NCAM2: variants seen among roughly 807,000 people sequenced by gnomAD.
The protein encoded by NCAM2 is neural cell adhesion molecule 2.
Under a neutral mutation model 98.1 loss-of-function variants are expected in NCAM2, and 30 were observed. The observed-to-expected ratio is 0.31, with a 90% confidence interval of 0.23 to 0.41. The LOEUF (loss-of-function observed/expected upper bound fraction) is 0.41, where lower values mean the gene tolerates loss of function less well. Ranked by LOEUF, NCAM2 falls within the 10% of genes least tolerant of loss-of-function variation. The pLI is 1.00. For missense variants in NCAM2, 867 were observed against 1,005.8 expected, an observed-to-expected ratio of 0.86 and a Z score of 1.87; for synonymous variants, 368 against 342.4, an observed-to-expected ratio of 1.07 and a Z score of -0.83.
chr21:21,086,418 T>A (rs1056076083), intron 1 of NCAM2, among the ~76,000 whole-genome samples: 19 of 152,208 alleles, frequency 1.2e-4, no homozygotes, highest in Non-Finnish European at 2.2e-4. Context: ...ACGTTTACAT[T>A]TGTATTTACA....
intron 8 of NCAM2, among the ~76,000 whole-genome samples, chr21:21,351,904 G>T (rs750375582): frequency 1.3e-5 from 2 of 151,814 alleles, no homozygotes; most frequent in Non-Finnish European, 2.9e-5. Context: ...ACGCCATCAC[G>T]CCCGGCTAAT....
intron 2 of NCAM2, among the ~76,000 whole-genome samples, chr21:21,281,654 A>G (rs2072934334): frequency 6.6e-6 from 1 of 152,036 alleles, no homozygotes; most frequent in Non-Finnish European, 1.5e-5. Flanking sequence ...TACAAATACA[A>G]GTCTTCATAT....
chr21:21,374,109 A>G, intron 9 of NCAM2, 96 bp downstream of exon 9: 2 of 1,152,342 alleles, frequency 1.7e-6, no homozygotes, highest in Non-Finnish European at 2.4e-6. Context: ...TGTAGTTCAC[A>G]TTTCAGTACT....
chr21:21,527,349 G>A (rs1989383478), intron 16 of NCAM2, among the ~76,000 whole-genome samples: 1 of 152,082 alleles, frequency 6.6e-6, no homozygotes, highest in Non-Finnish European at 1.5e-5. Flanking sequence ...CTGACCTCAT[G>A]ATAAGCTGGA....
intron 1 of NCAM2, among the ~76,000 whole-genome samples, chr21:21,098,394 C>T (rs983445222): frequency 2.0e-5 from 3 of 151,678 alleles, no homozygotes; most frequent in Admixed American, 6.6e-5. Flanking sequence ...AGTTTTGTTA[C>T]GTGATGCAGT....
At chr21:21,389,567 ATC>A (rs2076337463) in intron 9 of NCAM2, among the ~76,000 whole-genome samples, 1 of 151,900 alleles carries the variant, frequency 6.6e-6, no homozygotes, top group Admixed American at 6.6e-5. Flanking sequence ...CCATTAACCA[ATC>A]TCTCTTCATT....
intron 16 of NCAM2, among the ~76,000 whole-genome samples, chr21:21,532,978 T>C (rs527262158): frequency 6.6e-6 from 1 of 152,102 alleles, no homozygotes; most frequent in Non-Finnish European, 1.5e-5. Context: ...TCTATTCTTA[T>C]AAACACCCAT....
chr21:21,394,342 T>A (rs2076449438), intron 9 of NCAM2, among the ~76,000 whole-genome samples: 1 of 152,082 alleles, frequency 6.6e-6, no homozygotes, highest in Non-Finnish European at 1.5e-5. Flanking sequence ...TATTAGTTTT[T>A]ACTCCCTTGG....
chr21:21,154,263 T>C (rs2067541383), intron 1 of NCAM2, among the ~76,000 whole-genome samples: 1 of 151,920 alleles, frequency 6.6e-6, no homozygotes, highest in African/African-American at 2.4e-5. Flanking sequence ...AACATTGTTA[T>C]GGAATAAAAA....
At chr21:21,372,450 TAGAC>T (rs1199208523) in intron 8 of NCAM2, among the ~76,000 whole-genome samples, 1 of 151,696 alleles carries the variant, frequency 6.6e-6, no homozygotes, top group Admixed American at 6.6e-5. Flanking sequence ...AAATACTAGA[TAGAC>T]AGCAAAAATG....
At chr21:21,498,497 A>G (rs907296858) in intron 15 of NCAM2, among the ~76,000 whole-genome samples, 6 of 152,164 alleles carry the variant, frequency 3.9e-5, no homozygotes, top group Non-Finnish European at 8.8e-5. Flanking sequence ...TCTGTAACAC[A>G]TGTTGTACCC....
At chr21:21,446,877 A>G (rs1980238631) in intron 12 of NCAM2, among the ~76,000 whole-genome samples, 2 of 152,150 alleles carry the variant, frequency 1.3e-5, no homozygotes, top group South Asian at 4.1e-4. Flanking sequence ...GGAGAACTAC[A>G]AACCACTCTC....
intron 1 of NCAM2, among the ~76,000 whole-genome samples, chr21:21,174,972 A>G (rs2068235526): frequency 6.6e-6 from 1 of 152,158 alleles, no homozygotes; most frequent in Non-Finnish European, 1.5e-5. Flanking sequence ...AGAACTTGAC[A>G]TGGAGCGTAA....
chr21:21,508,845 T>TTTTTTTTG lies in NCAM2; in HGVS notation c.2078-4_2078-3insTTTTTGTT. On this transcript the variant is annotated splice_polypyrimidine_tract_variant and splice_region_variant and intron_variant, in intron 15 of 17. Transcript: ENST00000400546. ...TTTTTTTTTTTTTTTTTTTTTACTT[T>TTTTTTTTG]TTAAGACACGCTGTTTAATGGTCTT... 8.1e-7 allele frequency: 1 copy of TTTTTTTTG among 1,228,976 alleles called. No individual in the cohort carries two copies. Among genetic ancestry groups the TTTTTTTTG allele is most frequent in the South Asian group, 1.7e-5 (1 of 59,130 alleles). The allele number at this position is 1,228,976 out of a possible 1,614,324, so 76.1% of individuals were successfully genotyped here.
At chr21:21,256,533 C>T (rs1282914656) in intron 1 of NCAM2, among the ~76,000 whole-genome samples, 2 of 152,066 alleles carry the variant, frequency 1.3e-5, no homozygotes, top group Non-Finnish European at 2.9e-5. Context: ...AACTATATTA[C>T]ACACCATTAA....
intron 1 of NCAM2, among the ~76,000 whole-genome samples, chr21:21,147,678 C>T (rs1221969583): frequency 6.8e-6 from 1 of 146,532 alleles, no homozygotes; most frequent in Non-Finnish European, 1.5e-5. Context: ...CACACTAGCG[C>T]ATATGCACAC....
intron 1 of NCAM2, among the ~76,000 whole-genome samples, chr21:21,178,126 A>G (rs2068354141): frequency 1.3e-5 from 2 of 152,188 alleles, no homozygotes; most frequent in Admixed American, 1.3e-4. Context: ...ACAATTAGTT[A>G]CAAAATAAAA....
intron 1 of NCAM2, among the ~76,000 whole-genome samples, chr21:21,103,397 A>C (rs535402744): frequency 6.8e-4 from 103 of 152,232 alleles, no homozygotes; most frequent in Middle Eastern, 3.4e-3. Flanking sequence ...ACACTGAAAA[A>C]ATACAAATCC....
intron 1 of NCAM2, among the ~76,000 whole-genome samples, chr21:21,228,022 A>C (rs1449140310): frequency 6.6e-6 from 1 of 151,774 alleles, no homozygotes; most frequent in East Asian, 1.9e-4. Context: ...AAGGTCAATC[A>C]CAGGTAGGGA....
Sources: allele counts gnomAD v4.1 joint callset (sites outside exome capture counted in the v4.1 genomes callset), GRCh38; gene constraint gnomAD v4.1.1; transcripts MANE v1.5; gene names NCBI Gene and HGNC (gene_info 2026-07-23, HGNC 2026-07-21).